The following BICRA variants were observed in gnomAD, a reference collection of about 807,000 sequenced individuals.
The protein encoded by BICRA is BRD4 interacting chromatin remodeling complex associated protein.
A neutral mutation model predicts 96.9 loss-of-function variants in BICRA; 31 were observed. The ratio of observed to expected loss-of-function variants is 0.32; its 90% CI spans 0.24 to 0.43. The LOEUF (loss-of-function observed/expected upper bound fraction) is 0.43, where lower values mean the gene tolerates loss of function less well. BICRA is among the 20% of genes least tolerant of loss of function. The pLI is 1.00. For missense variants in BICRA, 2,283 were observed against 2,190.3 expected (o/e 1.04, Z -0.84); for synonymous variants, 1,350 against 1,071.8 (o/e 1.26, Z -5.07).
rs1555787528 is a variant in BICRA, at chr19:47,659,726, A to ACACACG, written c.-107-10712_-107-10711insGCACAC. ...CACACACACACACACACACACACAC[A>ACACACG]CACACACGTTCTCTTCTCTTCTCTC... On this transcript the variant is annotated intron_variant, in intron 1 of 14. Coordinates refer to ENST00000594866, the MANE Select transcript of BICRA (RefSeq NM_001394372.1). 1.4e-3 allele frequency among the ~76,000 whole-genome samples: 195 copies of ACACACG among 141,268 alleles called. 1 individual carries two copies. The highest frequency in any genetic ancestry group is 4.3e-3 in the African/African-American group (158 of 37,084). The allele number at this position is 141,268 out of a possible 152,430, so 92.7% of individuals were successfully genotyped here.
At chr19:47,661,482 G>A (rs1235557563) in intron 1 of BICRA, among the ~76,000 whole-genome samples, 1 of 152,052 alleles carries the variant, frequency 6.6e-6, no homozygotes, top group Non-Finnish European at 1.5e-5. Context: ...GGCCGGGGAG[G>A]AGGGCTTTCT....
chr19:47,682,094 G>T lies in BICRA; in HGVS notation c.2225G>T (p.Gly742Val). ...DPAPATPVAK[G>V]AGLGPQAPDS... is the part of the protein sequence containing the mutation. ...GCCCCAGCCACCCCCGTCGCCAAAG[G>T]AGCTGGCCTCGGCCCTCAGGCCCCC... The change falls in exon 7 of 15, where the codon GGA becomes GTA. Residue 742 changes from glycine (G) to valine (V), a missense_variant. Physicochemically the swap from Gly to Val is moderately radical, Grantham distance 109 (BLOSUM62 -3). Coordinates refer to ENST00000594866, the MANE Select transcript of BICRA (RefSeq NM_001394372.1). The T allele has an allele frequency of 1.3e-6, 2 of 1,524,644 alleles. No individual in the cohort carries two copies. The highest frequency in any genetic ancestry group is 1.8e-6 in the Non-Finnish European group (2 of 1,125,228). 94.4% of individuals were successfully genotyped at this position (1,524,644 alleles called of 1,614,324 possible).
intron 5 of BICRA, among the ~76,000 whole-genome samples, chr19:47,677,178 A>G (rs906935241): frequency 2.0e-5 from 3 of 152,192 alleles, no homozygotes; most frequent in Admixed American, 2.0e-4. Context: ...ATGATGATAG[A>G]TGCTTCTCGA....
In BICRA at chr19:47,679,511, C is replaced by T; in HGVS notation, c.341C>T (p.Thr114Met). Residue 114 changes from threonine to methionine, a missense_variant, in exon 6 of 15, where the codon ACG becomes ATG. Thr to Met is a moderately conservative substitution (Grantham distance 81). Transcript: ENST00000594866. The part of the protein sequence containing the change: ...LQQSLQEANI[T>M]EQTLEAEAEL... ...CAGAGCCTCCAAGAGGCCAACATCA[C>T]GGAGCAGACGCTGGAGGCCGAGGCT... 6.5e-7 allele frequency: 1 copy of T among 1,547,430 alleles called. No individual in the cohort carries two copies. Among genetic ancestry groups the T allele is most frequent in the South Asian group, 1.2e-5 (1 of 83,678 alleles).
chr19:47,690,415 G>A (rs190108491), intron 7 of BICRA, among the ~76,000 whole-genome samples: 3 of 152,256 alleles, frequency 2.0e-5, no homozygotes, highest in Admixed American at 1.3e-4. Context: ...GCTGAATTGC[G>A]TTCCTCTTGA....
intron 7 of BICRA, 147 bp downstream of exon 7, chr19:47,682,299 C>T (rs1973077804): frequency 1.1e-5 from 6 of 534,338 alleles, no homozygotes; most frequent in South Asian, 2.7e-5. Context: ...CCAAGTGTCT[C>T]CTAGTGATCA....
Position 47,701,399 on chromosome 19 carries a change from G to T in BICRA, c.3667G>T (p.Gly1223Cys). 1 of 1,603,492 alleles carries T rather than the reference G, an allele frequency of 6.2e-7. No homozygotes were observed. ...CTCTTCCGAGGGTCATCGGCTTCCC[G>T]GCCACGGCCCCCTGTCGTCTTCAGC... Reference protein sequence around the residue: ...AASSEGHRLPGHGPLSSSAPG... With the variant: ...AASSEGHRLPCHGPLSSSAPG... Residue 1223 changes from glycine (G) to cysteine (C), a missense_variant, in exon 15 of 15, where the codon GGC becomes TGC. Physicochemically the swap from Gly to Cys is radical, Grantham distance 159. Transcript: ENST00000594866. The surrounding 1 kb of genome is among the most constrained non-coding windows in gnomAD (Gnocchi z 5.4).
In BICRA at chr19:47,685,790, C is replaced by CGCGCGCGCGT. The variant is rs1555790155; in HGVS notation, c.2283+3647_2283+3648insTGCGCGCGCG. Among the ~76,000 whole-genome samples the CGCGCGCGCGT allele has an allele frequency of 2.6e-4, 23 of 88,772 alleles. No homozygotes were observed. In the East Asian group the frequency reaches 7.6e-3, roughly 29 times the overall value. 58.2% of individuals were successfully genotyped at this position (88,772 alleles called of 152,430 possible). A position where few individuals can be genotyped will look rare whatever the true frequency, so the allele number is the denominator to read the frequency against. ...GTGTGTGTGTGTGTGTGTGTGTGCG[C>CGCGCGCGCGT]GCGCGCGCGCATGCGTACATTTTCC... On this transcript the variant is annotated intron_variant, in intron 7 of 14. Transcript: ENST00000594866.
At position 47,701,828 on chromosome 19, in the gene BICRA, C is replaced by T; in HGVS notation, c.4096C>T (p.Pro1366Ser). ...TGQMNGTVDH[P>S]PPAAPERKPL... is the part of the protein sequence containing the mutation. ...CCAGATGAACGGCACGGTGGACCAC[C>T]CGCCGCCTGCCGCCCCCGAGCGCAA... The change falls in exon 15 of 15, where the codon CCG (proline) becomes TCG (serine). Residue 1366 changes from proline (P) to serine (S), a missense_variant. By Grantham distance (74) the Pro-to-Ser change is moderately conservative. Transcript: ENST00000594866. This position sits in a 1 kb window ranked among gnomAD's most constrained non-coding sequence, Gnocchi z 5.4. 3 of 1,524,152 alleles carry T rather than the reference C, an allele frequency of 2.0e-6. No individual in the cohort carries two copies. The highest frequency in any genetic ancestry group is 1.2e-5 in the South Asian group (1 of 83,084). The allele number at this position is 1,524,152 out of a possible 1,614,324, so 94.4% of individuals were successfully genotyped here.
At position 47,699,167 on chromosome 19, in the gene BICRA, C is replaced by T; in HGVS notation, c.3492+108C>T. ...TGGAGCCTCCCGCCCCTCCTAGCCC[C>T]GGGAGGGAGGTTGGGAGGGAGGCGG... On this transcript the variant is annotated intron_variant, in intron 13 of 14. Coordinates refer to ENST00000594866, the MANE Select transcript of BICRA (RefSeq NM_001394372.1). This position sits in a 1 kb window ranked among gnomAD's most constrained non-coding sequence, Gnocchi z 5.0. 4 of 952,582 alleles carry T rather than the reference C, an allele frequency of 4.2e-6. No individual in the cohort carries two copies. Among genetic ancestry groups the T allele is most frequent in the South Asian group, 2.8e-5 (2 of 71,942 alleles). The allele number at this position is 952,582 out of a possible 1,614,324, so 59.0% of individuals were successfully genotyped here. A position where few individuals can be genotyped will look rare whatever the true frequency, so the allele number is the denominator to read the frequency against.
chr19:47,676,882 G>C (rs911855208), intron 5 of BICRA, among the ~76,000 whole-genome samples: 1 of 151,872 alleles, frequency 6.6e-6, no homozygotes, highest in Non-Finnish European at 1.5e-5. Context: ...TCCCCATTCA[G>C]GTTCTAAACA....
At chr19:47,637,103 G>GATTTT (rs1175360934) in intron 1 of BICRA, among the ~76,000 whole-genome samples, 10 of 151,892 alleles carry the variant, frequency 6.6e-5, no homozygotes, top group African/African-American at 9.7e-5. Flanking sequence ...ATTTTACATT[G>GATTTT]ATTTTATTTT....
chr19:47,669,281 C>A (rs1447120247), intron 1 of BICRA, among the ~76,000 whole-genome samples: 3 of 151,834 alleles, frequency 2.0e-5, no homozygotes, highest in Non-Finnish European at 4.4e-5. Context: ...GTGAATGAAT[C>A]AACAATATAG....
chr19:47,680,266 C>T lies in BICRA; in HGVS notation c.1096C>T (p.Leu366=). Residue 366 remains leucine, a synonymous_variant, in exon 6 of 15, where the codon CTG becomes TTG. Coordinates refer to ENST00000594866, the MANE Select transcript of BICRA (RefSeq NM_001394372.1). ...AGVLPPKLYQ[L]TPKPFAPAGA... ...GGTGCTGCCGCCCAAGCTCTACCAG[C>T]TGACGCCCAAGCCGTTTGCGCCCGC... The T allele has an allele frequency of 6.4e-7, 1 of 1,561,116 alleles. No homozygotes were observed. The highest frequency in any genetic ancestry group is 8.6e-7 in the Non-Finnish European group (1 of 1,162,600).
chr19:47,682,191 C>G (rs774268759), intron 7 of BICRA, 39 bp downstream of exon 7: 1 of 877,178 alleles, frequency 1.1e-6, no homozygotes, highest in African/African-American at 1.7e-5. Context: ...CAGCACAGAC[C>G]CAGCCTCGCC....
At chr19:47,614,961 C>G (rs1158785766) in intron 1 of BICRA, among the ~76,000 whole-genome samples, 1 of 152,142 alleles carries the variant, frequency 6.6e-6, no homozygotes, top group East Asian at 1.9e-4. Context: ...TCTTACGGAG[C>G]ACCTTTGATG....
At chr19:47,640,059 C>T (rs768516117) in intron 1 of BICRA, among the ~76,000 whole-genome samples, 2 of 152,164 alleles carry the variant, frequency 1.3e-5, no homozygotes, top group East Asian at 1.9e-4. Flanking sequence ...CCTGCTTTGC[C>T]GGACACCTAG....
At chr19:47,693,970 G>C in intron 7 of BICRA, 145 bp from the exon 8 acceptor site, 1 of 949,290 alleles carries the variant, frequency 1.1e-6, no homozygotes, top group Non-Finnish European at 1.5e-6. Context: ...AAGGGCAGCC[G>C]TGGTGGGCTC....
At position 47,694,083 on chromosome 19, in the gene BICRA, G is replaced by GGCC; in HGVS notation, c.2284-32_2284-31insGCC. 9.1e-6 allele frequency: 10 copies of GGCC among 1,093,870 alleles called. No individual in the cohort carries two copies. In the South Asian group the frequency reaches 1.1e-4, roughly 12 times the overall value. 67.8% of individuals were successfully genotyped at this position (1,093,870 alleles called of 1,614,324 possible). On this transcript the variant is annotated intron_variant, in intron 7 of 14. Transcript: ENST00000594866. ...GGAGCTATGGTTGGTTCTGACCCCC[G>GGCC]CCCCTCCCCTCTCCCTCCCTCCCCT...
Sources: gnomAD v4.1 joint callset for allele counts (sites outside exome capture counted in the v4.1 genomes callset) on GRCh38, gnomAD v4.1.1 for gene constraint, Gnocchi (gnomAD v3.1) non-coding constraint, MANE v1.5 for transcripts, NCBI Gene and HGNC (gene_info 2026-07-23, HGNC 2026-07-21) for gene names.